Variants in RORA observed in about 807,000 individuals in gnomAD.
RORA encodes the protein nuclear receptor ROR-alpha.
Under a neutral mutation model 69.5 loss-of-function variants are expected in RORA, and 7 were observed. The ratio of observed to expected loss-of-function variants is 0.10; its 90% confidence interval spans 0.06 to 0.19. The LOEUF is 0.19. Ranked by LOEUF, RORA falls within the 10% of genes least tolerant of loss-of-function variation. The pLI is 1.00. For synonymous variants in RORA, 261 were observed against 240.8 expected (o/e 1.08, Z -0.78); for missense variants, 457 against 663.0 (o/e 0.69, Z 3.41).
At chr15:60,734,637 C>T (rs144434419) in intron 1 of RORA, among the ~76,000 whole-genome samples, 12 of 152,142 alleles carry the variant, frequency 7.9e-5, no homozygotes, top group African/African-American at 2.4e-4. Flanking sequence ...CCATGTCCTG[C>T]GTGGGTACTT....
At chr15:60,794,382 G>A (rs999801337) in intron 1 of RORA, among the ~76,000 whole-genome samples, 1 of 152,066 alleles carries the variant, frequency 6.6e-6, no homozygotes, top group Non-Finnish European at 1.5e-5. Flanking sequence ...CCAACTTATA[G>A]CACATAATGA....
chr15:61,106,475 A>G (rs2078949835), intron 1 of RORA, among the ~76,000 whole-genome samples: 2 of 152,210 alleles, frequency 1.3e-5, no homozygotes, highest in Non-Finnish European at 2.9e-5. Flanking sequence ...CCAGCTTTTT[A>G]GGAGCTTGTA....
In RORA at chr15:60,557,190, T is replaced by C. The variant is rs111322035; in HGVS notation, c.197-25339A>G. On this transcript the variant is annotated intron_variant, in intron 2 of 10. Coordinates refer to ENST00000335670, the MANE Select transcript of RORA (RefSeq NM_134261.3). ...CCACCTGTAGTACTCTCTGCTTCTG[T>C]GAAGGCTGAACTTCAAGTTGCTGTG... is the stretch of plus-strand genomic sequence containing the variant. 4.3e-3 allele frequency among the ~76,000 whole-genome samples: 651 copies of C among 152,362 alleles called. 4 individuals carry two copies. Among genetic ancestry groups the C allele is most frequent in the African/African-American group, 0.015 (624 of 41,582 alleles).
intron 1 of RORA, among the ~76,000 whole-genome samples, chr15:61,064,318 T>C (rs2078227339): frequency 6.6e-6 from 1 of 152,256 alleles, no homozygotes; most frequent in Non-Finnish European, 1.5e-5. Context: ...TTTTAGTCTG[T>C]ACCTTTGTAG....
At chr15:61,167,482 A>ATTTTTTTTTTTTTTTTTTTTTTTTT (rs199752865) in intron 1 of RORA, among the ~76,000 whole-genome samples, 2 of 133,688 alleles carry the variant, frequency 1.5e-5, no homozygotes, top group African/African-American at 5.7e-5. Context: ...TTTGACCAGG[A>ATTTTTTTTTTTTTTTTTTTTTTTTT]TTTTTTTTTT....
In RORA at chr15:60,489,870, A is replaced by G. The variant is rs1002823064; in HGVS notation, c.*7585T>C. ...ATAAGAAAAAAAAGTATATTACTCC[A>G]TTAAACAAGTTTCTTTAGGATCTTG... On this transcript the variant is annotated 3_prime_UTR_variant, in exon 11 of 11. Transcript: ENST00000335670. 12 of 152,182 alleles carry G rather than the reference A, an allele frequency of 7.9e-5. No homozygotes were observed. Among genetic ancestry groups the G allele is most frequent in the Non-Finnish European group, 1.5e-4 (10 of 68,018 alleles). The allele number at this position is 152,182 out of a possible 1,614,324, so 9.4% of individuals were successfully genotyped here. A position where few individuals can be genotyped will look rare whatever the true frequency, so the allele number is the denominator to read the frequency against.
Position 60,679,967 on chromosome 15 carries a change from G to A in RORA, c.167-1281C>T, listed in dbSNP as rs545254917. 1.3e-4 allele frequency among the ~76,000 whole-genome samples: 20 copies of A among 152,136 alleles called. 1 individual carries two copies. The South Asian group carries it at 3.9e-3, about 30-fold the overall frequency. On this transcript the variant is annotated intron_variant, in intron 1 of 10. Transcript: ENST00000335670. ...GTTTGTTTTAAATCATGTTTGAGTTGGCTTCACAAAGTGAAGTTAGAACCT... is the reference window on the plus strand; with the variant it reads ...GTTTGTTTTAAATCATGTTTGAGTTAGCTTCACAAAGTGAAGTTAGAACCT...
At chr15:60,505,920 T>C (rs963477271) in intron 5 of RORA, among the ~76,000 whole-genome samples, 2 of 152,190 alleles carry the variant, frequency 1.3e-5, no homozygotes, top group South Asian at 2.1e-4. Flanking sequence ...TGAAAAAATA[T>C]TGACCTAGAT....
intron 3 of RORA, among the ~76,000 whole-genome samples, chr15:60,516,840 AAG>A (rs1204609049): frequency 1.3e-5 from 2 of 152,328 alleles, no homozygotes; most frequent in East Asian, 3.9e-4. Flanking sequence ...ACTGAATTAA[AAG>A]AGTCATATTG....
chr15:60,519,962 G>A (rs2066106943), intron 3 of RORA: 1 of 152,162 alleles, frequency 6.6e-6, no homozygotes, highest in Non-Finnish European at 1.5e-5. Flanking sequence ...TGTTCTTTGA[G>A]CAGTGGCACT....
At chr15:60,525,579 C>T (rs577100890) in intron 3 of RORA, among the ~76,000 whole-genome samples, 17 of 152,292 alleles carry the variant, frequency 1.1e-4, no homozygotes, top group Admixed American at 4.6e-4. Context: ...TAATGGCAGA[C>T]GCTTTGGAAC....
chr15:60,658,787 G>A (rs80039216), intron 2 of RORA, among the ~76,000 whole-genome samples: 2,601 of 152,274 alleles, frequency 0.017, 87 homozygotes, highest in African/African-American at 0.06. Context: ...AACAGGGTCC[G>A]TTCTCCCATG....
chr15:60,554,995 G>C (rs1479329914), intron 2 of RORA, among the ~76,000 whole-genome samples: 1 of 152,076 alleles, frequency 6.6e-6, no homozygotes, highest in Non-Finnish European at 1.5e-5. Context: ...CTTTAGAGCT[G>C]CATTATCTCC....
intron 1 of RORA, among the ~76,000 whole-genome samples, chr15:60,774,839 T>A (rs1325933807): frequency 6.6e-6 from 1 of 152,244 alleles, no homozygotes; most frequent in East Asian, 1.9e-4. Flanking sequence ...ACCCACAGCA[T>A]AACCATGTTC....
At position 61,133,698 on chromosome 15, in the gene RORA, C is replaced by G. The variant is rs139596863; in HGVS notation, c.166+95355G>C. On this transcript the variant is annotated intron_variant, in intron 1 of 10. Transcript: ENST00000335670. ...CCCATGAACTTACCTTCTCTGTTCT[C>G]CTCCAACCTGAGATAAACCAGTCCT... is the stretch of plus-strand genomic sequence containing the variant. Among the ~76,000 whole-genome samples the G allele has an allele frequency of 5.9e-3, 901 of 152,252 alleles. 13 individuals carry two copies. Among genetic ancestry groups the G allele is most frequent in the African/African-American group, 0.02 (843 of 41,542 alleles).
intron 1 of RORA, among the ~76,000 whole-genome samples, chr15:61,056,521 T>C (rs939468963): frequency 2.0e-5 from 3 of 152,214 alleles, no homozygotes; most frequent in Admixed American, 6.5e-5. Flanking sequence ...TGGGTAAATA[T>C]GTGTTTTCCA....
intron 1 of RORA, among the ~76,000 whole-genome samples, chr15:61,106,606 C>G (rs1595993368): frequency 6.6e-6 from 1 of 152,120 alleles, no homozygotes; most frequent in Non-Finnish European, 1.5e-5. Context: ...CCAGCTCCCC[C>G]TCCTCCCATC....
At chr15:60,927,441 C>T (rs574674828) in intron 1 of RORA, among the ~76,000 whole-genome samples, 43 of 152,324 alleles carry the variant, frequency 2.8e-4, no homozygotes, top group African/African-American at 1.0e-3. Context: ...TTTGCAGCTT[C>T]CTCTTCCTTC....
intron 3 of RORA, among the ~76,000 whole-genome samples, chr15:60,516,209 TTA>T (rs1285272452): frequency 5.8e-3 from 113 of 19,472 alleles, no homozygotes; most frequent in African/African-American, 0.021. Context: ...ATATATATAT[TTA>T]TATATATATA....
Sources: gnomAD v4.1 joint callset for allele counts (sites outside exome capture counted in the v4.1 genomes callset) on GRCh38, gnomAD v4.1.1 for gene constraint, MANE v1.5 for transcripts, NCBI Gene and HGNC (gene_info 2026-07-23, HGNC 2026-07-21) for gene names.